Variants in C22orf15 observed in about 807,000 individuals in gnomAD.
C22orf15 encodes the protein chromosome 22 open reading frame 15, also known as uncharacterized protein C22orf15.
A neutral mutation model predicts 20.3 loss-of-function variants in C22orf15; 21 were observed. The ratio of observed to expected loss-of-function variants is 1.04; its 90% CI spans 0.74 to 1.49. The LOEUF is 1.49. C22orf15 is among the 40% of genes most tolerant of loss of function. The probability of loss-of-function intolerance (pLI) is 0.00; values close to 1 mark genes in which losing one functional copy is unlikely to be tolerated. For synonymous variants in C22orf15, 78 were observed against 75.4 expected (o/e 1.03, Z -0.18); for missense variants, 170 against 191.1 (o/e 0.89, Z 0.65).
chr22:23,763,958 G>A (rs1036213271), intron 1 of C22orf15, 129 bp from the exon 2 acceptor site: 12 of 827,470 alleles, frequency 1.5e-5, no homozygotes, highest in Non-Finnish European at 2.1e-5. Flanking sequence ...TGTTATGCCC[G>A]GGGCACAGTC....
At chr22:23,765,080 G>A in intron 5 of C22orf15, 178 bp downstream of exon 5, 1 of 1,449,534 alleles carries the variant, frequency 6.9e-7, no homozygotes, top group Non-Finnish European at 9.0e-7. Flanking sequence ...GGAACACACT[G>A]TACCCTGAGA....
chr22:23,765,667 T>C (rs1926689546), intron 5 of C22orf15, 54 bp from the exon 6 acceptor site: 4 of 1,527,814 alleles, frequency 2.6e-6, no homozygotes, highest in South Asian at 2.5e-5. Flanking sequence ...CCAAGGAATC[T>C]GTCCTGTGCT....
At position 23,765,766 on chromosome 22, in the gene C22orf15, TC is replaced by T. The variant is rs1443768387; in HGVS notation, c.*36del. On this transcript the variant is annotated 3_prime_UTR_variant, in exon 6 of 6. Coordinates refer to ENST00000402217, the MANE Select transcript of C22orf15 (RefSeq NM_182520.3). The stretch of plus-strand genomic sequence containing the variant: ...ATTGCACACTGTAGTGAGACATCCA[TC>T]CTGACCCCACCTCATCAGCCAGGGA... The T allele has an allele frequency of 4.5e-6, 7 of 1,548,998 alleles. No individual in the cohort carries two copies. The East Asian group carries it at 1.7e-4, about 38-fold the overall frequency.
rs1473294633 is a variant in C22orf15 at position 23,763,479 on chromosome 22, TGAG to T, written c.25+153_25+155del. 5 of 943,632 alleles carry T rather than the reference TGAG, an allele frequency of 5.3e-6. No individual in the cohort carries two copies. The Admixed American group carries it at 1.5e-4, about 28-fold the overall frequency. 58.5% of individuals were successfully genotyped at this position (943,632 alleles called of 1,614,324 possible). A position where few individuals can be genotyped will look rare whatever the true frequency, so the allele number is the denominator to read the frequency against. ...GGGGGTCGTCGGGGAAGCGGCTCTGTGAGGAGGCGAAGCCAGCACCTGGAGCGA... is the reference window on the plus strand; with the variant it reads ...GGGGGTCGTCGGGGAAGCGGCTCTGTGAGGCGAAGCCAGCACCTGGAGCGA... On this transcript the variant is annotated intron_variant, in intron 1 of 5. Coordinates refer to ENST00000402217, the MANE Select transcript of C22orf15 (RefSeq NM_182520.3).
At position 23,763,216 on chromosome 22, in the gene C22orf15, G is replaced by A; in HGVS notation, c.-91G>A. The A allele has an allele frequency of 6.6e-7, 1 of 1,517,052 alleles. No individual in the cohort carries two copies. Among genetic ancestry groups the A allele is most frequent in the South Asian group, 1.2e-5 (1 of 82,648 alleles). 94.0% of individuals were successfully genotyped at this position (1,517,052 alleles called of 1,614,324 possible). ...ACTTCTCCCTCCAGAGCCCGGCCCT[G>A]AAGCAGGTCTCTGCTCCACGCTTTT... On this transcript the variant is annotated 5_prime_UTR_variant, in exon 1 of 6. Coordinates refer to ENST00000402217, the MANE Select transcript of C22orf15 (RefSeq NM_182520.3).
At chr22:23,765,695 C>A in intron 5 of C22orf15, 26 bp from the exon 6 acceptor site, 1 of 1,546,546 alleles carries the variant, frequency 6.5e-7, no homozygotes, top group South Asian at 1.2e-5. Flanking sequence ...GTGCAGATTG[C>A]AACAGGGCTC....
At chr22:23,763,505 C>T (rs1926059776) in intron 1 of C22orf15, among the ~76,000 whole-genome samples, 174 bp downstream of exon 1, 1 of 152,222 alleles carries the variant, frequency 6.6e-6, no homozygotes, top group Non-Finnish European at 1.5e-5. Context: ...GCACCTGGAG[C>T]GAGTCCCTTA....
Position 23,763,340 on chromosome 22 carries a change from G to T in C22orf15, c.25+9G>T. ...CAAGGTGATGTTTGGGGGTAAGTGG[G>T]GTCCCCTGTCTTGGTAGGCGGATAG... On this transcript the variant is annotated intron_variant, in intron 1 of 5. Transcript: ENST00000402217. 1 of 1,548,332 alleles carries T rather than the reference G, an allele frequency of 6.5e-7. No individual in the cohort carries two copies.
rs1341961311 is a variant in C22orf15 at position 23,763,300 on chromosome 22, T to C, written c.-7T>C. ...AGCCCCCCACATCTCCCTCACCCGC[T>C]GCAGCTATGTTTATCAAGGTGATGT... On this transcript the variant is annotated 5_prime_UTR_variant, in exon 1 of 6. Coordinates refer to ENST00000402217, the MANE Select transcript of C22orf15 (RefSeq NM_182520.3). 1.3e-6 allele frequency: 2 copies of C among 1,550,172 alleles called. No individual in the cohort carries two copies. Among genetic ancestry groups the C allele is most frequent in the Admixed American group, 3.9e-5 (2 of 50,810 alleles).
intron 5 of C22orf15, chr22:23,765,361 T>G: frequency 6.4e-7 from 1 of 1,550,954 alleles, no homozygotes; most frequent in African/African-American, 1.4e-5. Flanking sequence ...CCATGACCTC[T>G]GCCTTGTGTG....
intron 3 of C22orf15, 53 bp downstream of exon 3, chr22:23,764,450 G>T: frequency 6.2e-7 from 1 of 1,606,220 alleles, no homozygotes; most frequent in East Asian, 2.2e-5. Flanking sequence ...TGTAAGAGGG[G>T]GGCATAGCAG....
At position 23,764,623 on chromosome 22, in the gene C22orf15, T is replaced by C. The variant is rs1926404713; in HGVS notation, c.251-16T>C. The C allele has an allele frequency of 6.2e-7, 1 of 1,613,792 alleles. No homozygotes were observed. The highest frequency in any genetic ancestry group is 8.5e-7 in the Non-Finnish European group (1 of 1,179,724). ...GGCCAGTCAGGTGTCCTTCATCGTCTCTCCACATGTCACAGAGGGAGAGGA... is the reference window on the plus strand; with the variant it reads ...GGCCAGTCAGGTGTCCTTCATCGTCCCTCCACATGTCACAGAGGGAGAGGA... On this transcript the variant is annotated splice_polypyrimidine_tract_variant and intron_variant, in intron 3 of 5. Transcript: ENST00000402217.
At position 23,763,310 on chromosome 22, in the gene C22orf15, T is replaced by C; in HGVS notation, c.4T>C (p.Phe2Leu). 2.6e-6 allele frequency: 4 copies of C among 1,549,936 alleles called. No homozygotes were observed. Among genetic ancestry groups the C allele is most frequent in the Non-Finnish European group, 2.6e-6 (3 of 1,146,462 alleles). The change falls in exon 1 of 6, where the codon TTT becomes CTT. Residue 2 changes from phenylalanine to leucine, a missense_variant. Coordinates refer to ENST00000402217, the MANE Select transcript of C22orf15 (RefSeq NM_182520.3). Reference protein sequence around the residue: MFIKVMFGAGCS... With the variant: MLIKVMFGAGCS... Reference sequence around the variant, plus strand: ...ATCTCCCTCACCCGCTGCAGCTATGTTTATCAAGGTGATGTTTGGGGGTAA... The same window carrying C: ...ATCTCCCTCACCCGCTGCAGCTATGCTTATCAAGGTGATGTTTGGGGGTAA...
Position 23,763,220 on chromosome 22 carries a change from C to G in C22orf15, c.-87C>G, listed in dbSNP as rs536427822. ...CTCCCTCCAGAGCCCGGCCCTGAAG[C>G]AGGTCTCTGCTCCACGCTTTTCCTT... On this transcript the variant is annotated 5_prime_UTR_variant, in exon 1 of 6. Transcript: ENST00000402217. The G allele has an allele frequency of 2.0e-6, 3 of 1,523,714 alleles. No homozygotes were observed. In the East Asian group the frequency reaches 7.4e-5, roughly 38 times the overall value. The allele number at this position is 1,523,714 out of a possible 1,614,324, so 94.4% of individuals were successfully genotyped here. A position where few individuals can be genotyped will look rare whatever the true frequency, so the allele number is the denominator to read the frequency against.
In C22orf15 at chr22:23,764,247, C is replaced by T; in HGVS notation, c.113-13C>T. 2 of 1,551,616 alleles carry T rather than the reference C, an allele frequency of 1.3e-6. No individual in the cohort carries two copies. The highest frequency in any genetic ancestry group is 8.7e-7 in the Non-Finnish European group (1 of 1,146,958). On this transcript the variant is annotated splice_polypyrimidine_tract_variant and intron_variant, in intron 2 of 5. Coordinates refer to ENST00000402217, the MANE Select transcript of C22orf15 (RefSeq NM_182520.3). ...GTGCCAGCCCTGCCCAGTCTCTCTC[C>T]ATGTCCTCCCAGCGACCATTGCTCT... is the stretch of plus-strand genomic sequence containing the variant.
rs538694398 is a variant in C22orf15 at position 23,763,354 on chromosome 22, G to C, written c.25+23G>C. 10 of 1,546,190 alleles carry C rather than the reference G, an allele frequency of 6.5e-6. No individual in the cohort carries two copies. In the South Asian group the frequency reaches 1.1e-4, roughly 17 times the overall value. Reference sequence around the variant, plus strand: ...GGGGTAAGTGGGGTCCCCTGTCTTGGTAGGCGGATAGGGGGATGAGCACAC... The same window carrying C: ...GGGGTAAGTGGGGTCCCCTGTCTTGCTAGGCGGATAGGGGGATGAGCACAC... On this transcript the variant is annotated intron_variant, in intron 1 of 5. Coordinates refer to ENST00000402217, the MANE Select transcript of C22orf15 (RefSeq NM_182520.3).
At chr22:23,763,998 G>T in intron 1 of C22orf15, 89 bp from the exon 2 acceptor site, 1 of 1,311,800 alleles carries the variant, frequency 7.6e-7, no homozygotes. Context: ...GCAGCTCTGG[G>T]AAAGGGAGAG....
chr22:23,763,605 G>A (rs1926078303), intron 1 of C22orf15, among the ~76,000 whole-genome samples: 1 of 152,250 alleles, frequency 6.6e-6, no homozygotes, highest in Non-Finnish European at 1.5e-5. Context: ...TTTTTAAGCC[G>A]CACAATCTCT....
In C22orf15 at chr22:23,764,717, AG is replaced by A. The variant is rs1457543454; in HGVS notation, c.325+5del. On this transcript the variant is annotated splice_donor_5th_base_variant and intron_variant, in intron 4 of 5. Coordinates refer to ENST00000402217, the MANE Select transcript of C22orf15 (RefSeq NM_182520.3). ...GACCATTACCCAGAGCTGGCAGGTG[AG>A]TGTCAGGGTACAGCCCAGGGGGAGG... The A allele has an allele frequency of 1.9e-6, 3 of 1,614,018 alleles. No individual in the cohort carries two copies. The highest frequency in any genetic ancestry group is 2.5e-6 in the Non-Finnish European group (3 of 1,180,018).
Sources: allele counts gnomAD v4.1 joint callset (sites outside exome capture counted in the v4.1 genomes callset), GRCh38; gene constraint gnomAD v4.1.1; transcripts MANE v1.5; gene names NCBI Gene and HGNC (gene_info 2026-07-23, HGNC 2026-07-21).